DEPDC1B: variants seen among roughly 807,000 people sequenced by gnomAD.
DEPDC1B encodes DEP domain-containing protein 1B.
A neutral mutation model predicts 66.5 loss-of-function variants in DEPDC1B; 51 were observed. That is an observed-to-expected ratio of 0.77 (90% CI 0.61 to 0.97). DEPDC1B has a LOEUF of 0.97. DEPDC1B is among the 50% of genes least tolerant of loss of function. DEPDC1B has a pLI of 0.00. For synonymous variants in DEPDC1B, 226 were observed against 223.6 expected (o/e 1.01, Z -0.10); for missense variants, 552 against 637.1 (o/e 0.87, Z 1.44).
At chr5:60,693,428 T>A (rs760734854) in intron 1 of DEPDC1B, among the ~76,000 whole-genome samples, 1 of 152,160 alleles carries the variant, frequency 6.6e-6, no homozygotes, top group African/African-American at 2.4e-5. Context: ...TCTCTACCTA[T>A]CCACCCACTT....
intron 7 of DEPDC1B, chr5:60,630,636 C>G (rs1752903543): frequency 6.6e-6 from 1 of 152,456 alleles, no homozygotes; most frequent in Admixed American, 6.5e-5. Context: ...ATTCTGCAAG[C>G]ACAAATAAAA....
At chr5:60,680,048 T>TTA (rs1269380958) in intron 2 of DEPDC1B, among the ~76,000 whole-genome samples, 2 of 152,096 alleles carry the variant, frequency 1.3e-5, no homozygotes, top group African/African-American at 4.8e-5. Flanking sequence ...ATCATAAAGA[T>TTA]TAAATGACAT....
intron 5 of DEPDC1B, among the ~76,000 whole-genome samples, chr5:60,643,868 G>T (rs79360303): frequency 6.6e-6 from 1 of 152,264 alleles, no homozygotes; most frequent in African/African-American, 2.4e-5. Context: ...TCTGAAGACA[G>T]GTTCTGCTCC....
Position 60,652,762 on chromosome 5 carries a change from C to T in DEPDC1B, c.315-5229G>A, listed in dbSNP as rs1275738105. ...TCTTTTATCCCTCATCACCCTCCCA[C>T]CCATTCCCCAAGTCCCTAAAGTCTA... On this transcript the variant is annotated intron_variant, in intron 2 of 10. Transcript: ENST00000265036. 1.3e-5 allele frequency among the ~76,000 whole-genome samples: 2 copies of T among 148,870 alleles called. 1 individual carries two copies. The highest frequency in any genetic ancestry group is 4.1e-4 in the East Asian group (2 of 4,874).
chr5:60,638,293 T>G lies in DEPDC1B; in HGVS notation c.898+457A>C, dbSNP rs149267981. ...TTTAATTAATGATAAAGTCACTATA[T>G]TTATTTCATGTCTCAAATTACAAAA... On this transcript the variant is annotated intron_variant, in intron 7 of 10. Coordinates refer to ENST00000265036, the MANE Select transcript of DEPDC1B (RefSeq NM_018369.3). Among the ~76,000 whole-genome samples the G allele has an allele frequency of 1.6e-3, 238 of 152,318 alleles. 4 individuals carry two copies. Among genetic ancestry groups the G allele is most frequent in the Admixed American group, 0.013 (194 of 15,306 alleles).
chr5:60,628,283 A>G (rs1752847121), intron 7 of DEPDC1B: 2 of 152,198 alleles, frequency 1.3e-5, no homozygotes, highest in Admixed American at 6.5e-5. Context: ...TAGAAACACA[A>G]ATTTTTCATC....
chr5:60,623,283 G>T (rs1164397305), intron 7 of DEPDC1B, among the ~76,000 whole-genome samples: 1 of 152,024 alleles, frequency 6.6e-6, no homozygotes, highest in Non-Finnish European at 1.5e-5. Context: ...CTTGACTACA[G>T]ATACATGAAT....
intron 2 of DEPDC1B, among the ~76,000 whole-genome samples, chr5:60,658,271 T>A (rs1336029141): frequency 2.0e-5 from 3 of 152,224 alleles, no homozygotes; most frequent in African/African-American, 7.2e-5. Context: ...CTTAATAATC[T>A]ACCTTCACAA....
intron 7 of DEPDC1B, among the ~76,000 whole-genome samples, chr5:60,615,408 G>T (rs1458582003): frequency 6.6e-6 from 1 of 152,206 alleles, no homozygotes; most frequent in Non-Finnish European, 1.5e-5. Flanking sequence ...CAAAGAAAGG[G>T]GTGACAGACG....
At chr5:60,638,935 T>C (rs1415809209) in intron 6 of DEPDC1B, 45 bp from the exon 7 acceptor site, 3 of 1,589,050 alleles carry the variant, frequency 1.9e-6, no homozygotes, top group Non-Finnish European at 2.6e-6. Flanking sequence ...ATGGAGTAAT[T>C]ACCTCTAAGT....
At chr5:60,676,820 A>G in intron 2 of DEPDC1B, among the ~76,000 whole-genome samples, 1 of 152,176 alleles carries the variant, frequency 6.6e-6, no homozygotes, top group East Asian at 1.9e-4. Flanking sequence ...ACTGGATCAC[A>G]GACACAATTC....
At chr5:60,599,314 T>A (rs940519053) in intron 9 of DEPDC1B, 54 bp from the exon 10 acceptor site, 12 of 1,394,406 alleles carry the variant, frequency 8.6e-6, no homozygotes, top group Non-Finnish European at 1.1e-5. Flanking sequence ...AAATAAATTA[T>A]AAGAATTAGT....
At chr5:60,685,425 G>A (rs186552535) in intron 2 of DEPDC1B, among the ~76,000 whole-genome samples, 1 of 151,864 alleles carries the variant, frequency 6.6e-6, no homozygotes, top group African/African-American at 2.4e-5. Context: ...CTCCATTTAT[G>A]ACTCACAAGA....
chr5:60,638,916 G>A (rs201620154), intron 6 of DEPDC1B, 26 bp from the exon 7 acceptor site: 1,138 of 1,605,810 alleles, frequency 7.1e-4, no homozygotes, highest in Non-Finnish European at 9.4e-4. Flanking sequence ...GAGTGAAAGA[G>A]AAACATTAAT....
In DEPDC1B at chr5:60,599,131, C is replaced by T. The variant is rs201451876; in HGVS notation, c.1372G>A (p.Glu458Lys). ...GAGAGTTTGGCATCTGTTATGACTT[C>T]CTCCAACAAGGCTGCCAGAGGTTCC... ...SQEPLAALLE[E>K]VITDAKLSNK... The change falls in exon 10 of 11, where the codon GAA becomes AAA. Residue 458 changes from glutamate to lysine, a missense_variant. Coordinates refer to ENST00000265036, the MANE Select transcript of DEPDC1B (RefSeq NM_018369.3). 1.4e-5 allele frequency: 23 copies of T among 1,612,868 alleles called. No individual in the cohort carries two copies. The highest frequency in any genetic ancestry group is 1.3e-4 in the African/African-American group (10 of 74,796).
intron 7 of DEPDC1B, among the ~76,000 whole-genome samples, chr5:60,635,763 A>G (rs1270924684): frequency 6.6e-6 from 1 of 152,216 alleles, no homozygotes; most frequent in Non-Finnish European, 1.5e-5. Context: ...CAGGGCTGCC[A>G]GATCTTCTAA....
chr5:60,631,125 G>C (rs1194367745), intron 7 of DEPDC1B, among the ~76,000 whole-genome samples: 1 of 152,198 alleles, frequency 6.6e-6, no homozygotes, highest in Non-Finnish European at 1.5e-5. Flanking sequence ...CTGAAGACCT[G>C]GTGGAGGAGC....
At chr5:60,695,323 A>G (rs886593860) in intron 1 of DEPDC1B, among the ~76,000 whole-genome samples, 5 of 152,192 alleles carry the variant, frequency 3.3e-5, no homozygotes, top group African/African-American at 1.2e-4. Context: ...TCAAGGCAGA[A>G]GGTGAAGCGG....
intron 2 of DEPDC1B, among the ~76,000 whole-genome samples, chr5:60,649,983 T>C (rs1163282280): frequency 1.3e-5 from 2 of 151,924 alleles, no homozygotes; most frequent in South Asian, 2.1e-4. Flanking sequence ...ATGTTAATTT[T>C]CCCCCATGAA....
Sources: allele counts gnomAD v4.1 joint callset (sites outside exome capture counted in the v4.1 genomes callset), GRCh38; gene constraint gnomAD v4.1.1; transcripts MANE v1.5; gene names NCBI Gene and HGNC (gene_info 2026-07-23, HGNC 2026-07-21).